PRDX4: variants seen among roughly 807,000 people sequenced by gnomAD.
PRDX4 encodes peroxiredoxin 4, also known as peroxiredoxin-4.
In PRDX4, 12 loss-of-function variants were observed where a neutral mutation model predicts 20.5. The ratio of observed to expected loss-of-function variants is 0.58; its 90% CI spans 0.37 to 0.95. The LOEUF (loss-of-function observed/expected upper bound fraction) is 0.95, where lower values mean the gene tolerates loss of function less well. Among genes scored for constraint, PRDX4 ranks in the 40% least tolerant of loss-of-function variants. The pLI is 0.01. For synonymous variants in PRDX4, 99 were observed against 87.5 expected, an observed-to-expected ratio of 1.13 and a Z score of -0.73; for missense variants, 180 against 207.3, an observed-to-expected ratio of 0.87 and a Z score of 0.81.
rs1927760194 is a variant in PRDX4 at position 23,667,759 on chromosome X, G to A, written c.189G>A (p.Glu63=). Residue 63 remains glutamate (E), a synonymous_variant, in exon 1 of 7, where the codon GAG becomes GAA. Transcript: ENST00000379341. ...CGGGTGGACAAGTGTACCCGGGAGA[G>A]GCATCCCGGGTATCGGTCGCCGACC... ...FYAGGQVYPG[E]ASRVSVADHS... 3 of 1,209,726 alleles carry A rather than the reference G, an allele frequency of 2.5e-6. No individual in the cohort carries two copies. In the African/African-American group the frequency reaches 5.2e-5, roughly 21 times the overall value.
Position 23,667,771 on chromosome X carries a change from A to T in PRDX4, c.201A>T (p.Val67=). 1.7e-6 allele frequency: 2 copies of T among 1,211,269 alleles called. No individual in the cohort carries two copies. Among genetic ancestry groups the T allele is most frequent in the South Asian group, 1.8e-5 (1 of 56,989 alleles). ...TGTACCCGGGAGAGGCATCCCGGGT[A>T]TCGGTCGCCGACCACTCCCTGCACC... The part of the protein sequence containing the change: ...GQVYPGEASR[V]SVADHSLHLS... The change falls in exon 1 of 7, where the codon GTA becomes GTT. Residue 67 remains valine, a synonymous_variant. Transcript: ENST00000379341.
At chrX:23,669,191 T>G (rs897295782) in intron 1 of PRDX4, among the ~76,000 whole-genome samples, 1 of 112,142 alleles carries the variant, frequency 8.9e-6, no homozygotes, top group African/African-American at 3.2e-5. Flanking sequence ...CCCAAAGTGC[T>G]GAGATTACAG....
chrX:23,672,472 G>T (rs915555847), intron 2 of PRDX4, among the ~76,000 whole-genome samples: 14 of 111,690 alleles, frequency 1.3e-4, no homozygotes, highest in African/African-American at 4.6e-4. Context: ...CTGTGACAGT[G>T]AGCGTTTTTG....
intron 6 of PRDX4, among the ~76,000 whole-genome samples, chrX:23,683,983 G>A (rs1237270685): frequency 9.8e-6 from 1 of 101,861 alleles, no homozygotes; most frequent in Non-Finnish European, 2.0e-5. Context: ...GGGAGGTGGA[G>A]GTTGCAGTGA....
intron 5 of PRDX4, 81 bp downstream of exon 5, chrX:23,682,607 G>A (rs1292976394): frequency 6.2e-6 from 5 of 803,877 alleles, no homozygotes; most frequent in East Asian, 5.0e-5. Context: ...AAAAGTAATC[G>A]ATATTTCCAA....
chrX:23,671,600 G>A lies in PRDX4; in HGVS notation c.313G>A (p.Asp105Asn), dbSNP rs144393327. ...AGAATTTAAGGAGCTGAAGTTAACTGATTATCGTGGGAAATACTTGGTTTT... is the reference window on the plus strand; with the variant it reads ...AGAATTTAAGGAGCTGAAGTTAACTAATTATCGTGGGAAATACTTGGTTTT... Reference protein sequence around the residue: ...DGEFKELKLTDYRGKYLVFFF... With the variant: ...DGEFKELKLTNYRGKYLVFFF... Residue 105 changes from aspartate to asparagine, a missense_variant, in exon 2 of 7, where the codon GAT becomes AAT. Transcript: ENST00000379341. 1.4e-3 allele frequency: 1,719 copies of A among 1,205,613 alleles called. 20 individuals carry two copies. In the African/African-American group the frequency reaches 0.025, roughly 18 times the overall value.
chrX:23,681,524 G>A (rs1210994194), intron 4 of PRDX4, among the ~76,000 whole-genome samples: 1 of 111,936 alleles, frequency 8.9e-6, no homozygotes, highest in Non-Finnish European at 1.9e-5. Flanking sequence ...TCATTGTATT[G>A]TATCATGTAT....
Position 23,679,191 on chromosome X carries a change from G to C in PRDX4, c.503G>C (p.Gly168Ala). The part of the protein sequence containing the change: ...AWINTPRRQG[G>A]LGPIRIPLLS... ...ATTAATACCCCTCGAAGACAAGGAG[G>C]ACTTGGGCCAATAAGGATTCCACTT... Residue 168 changes from glycine to alanine, a missense_variant, in exon 4 of 7, where the codon GGA becomes GCA. Physicochemically the swap from Gly to Ala is moderately conservative, Grantham distance 60. Transcript: ENST00000379341. The C allele has an allele frequency of 8.3e-7, 1 of 1,208,565 alleles. No individual in the cohort carries two copies. Among genetic ancestry groups the C allele is most frequent in the Non-Finnish European group, 1.1e-6 (1 of 893,088 alleles).
chrX:23,671,225 CGTA>C (rs1368418796), intron 1 of PRDX4, among the ~76,000 whole-genome samples: 1 of 111,882 alleles, frequency 8.9e-6, no homozygotes, highest in African/African-American at 3.2e-5. Context: ...CATTATCTTA[CGTA>C]GTTGTCAGAT....
In PRDX4 at chrX:23,667,500, C is replaced by T; in HGVS notation, c.-71C>T. The T allele has an allele frequency of 9.0e-7, 1 of 1,111,773 alleles. No homozygotes were observed. The allele number at this position is 1,111,773 out of a possible 1,213,427, so 91.6% of individuals were successfully genotyped here. On this transcript the variant is annotated 5_prime_UTR_variant, in exon 1 of 7. Coordinates refer to ENST00000379341, the MANE Select transcript of PRDX4 (RefSeq NM_006406.2). ...CCGGTTCGCGCGGGCGTCGTGCACGCGGTTGTAGCTGCCCGGCGGCGGCAG... is the reference window on the plus strand; with the variant it reads ...CCGGTTCGCGCGGGCGTCGTGCACGTGGTTGTAGCTGCCCGGCGGCGGCAG...
In PRDX4 at chrX:23,681,762, C is replaced by T. The variant is rs759623698; in HGVS notation, c.600-634C>T. On this transcript the variant is annotated intron_variant, in intron 4 of 6. Coordinates refer to ENST00000379341, the MANE Select transcript of PRDX4 (RefSeq NM_006406.2). Reference sequence around the variant, plus strand: ...CTTTTTAAAATTTTTTTGTTAAGGCCGGGCATGGTGGCTCACGCCTGTAAT... The same window carrying T: ...CTTTTTAAAATTTTTTTGTTAAGGCTGGGCATGGTGGCTCACGCCTGTAAT... Among the ~76,000 whole-genome samples, 225 of 112,230 alleles carry T rather than the reference C, an allele frequency of 2.0e-3. 1 individual carries two copies. Among genetic ancestry groups the T allele is most frequent in the Non-Finnish European group, 3.3e-3 (174 of 53,285 alleles).
rs372587711 is a variant in PRDX4, at chrX:23,675,031, G to A, written c.401G>A (p.Arg134Lys). The stretch of plus-strand genomic sequence containing the variant: ...ACTGAAATTATCGCTTTTGGCGACA[G>A]ACTTGAAGAATTCAGATCTATAAAT... ...CPTEIIAFGD[R>K]LEEFRSINTE... The change falls in exon 3 of 7, where the codon AGA becomes AAA. Residue 134 changes from arginine (R) to lysine (K), a missense_variant. Around this residue, in one of 3 missense-constraint regions of PRDX4, gnomAD observed 105 missense variants for 114.2 expected, o/e 0.92. Transcript: ENST00000379341. 2 of 1,210,669 alleles carry A rather than the reference G, an allele frequency of 1.7e-6. No individual in the cohort carries two copies. The highest frequency in any genetic ancestry group is 2.2e-6 in the Non-Finnish European group (2 of 895,079).
At chrX:23,681,947 G>A (rs532643867) in intron 4 of PRDX4, among the ~76,000 whole-genome samples, 75 of 111,854 alleles carry the variant, frequency 6.7e-4, no homozygotes, top group Admixed American at 4.4e-3. Flanking sequence ...AGGCTGTGGC[G>A]AGAGGATCAC....
chrX:23,683,641 A>T lies in PRDX4; in HGVS notation c.731-30A>T, dbSNP rs183517948. The T allele has an allele frequency of 4.4e-4, 529 of 1,196,282 alleles. 3 individuals carry two copies. The African/African-American group carries it at 7.5e-3, about 17-fold the overall frequency. ...AAGGTAACTGAATTCTGTTTTTAAA[A>T]TGTCTTCTGCCTCTTTTTGTTTCTT... On this transcript the variant is annotated intron_variant, in intron 5 of 6. Transcript: ENST00000379341.
chrX:23,678,476 A>G (rs1436859585), intron 3 of PRDX4, among the ~76,000 whole-genome samples: 1 of 108,300 alleles, frequency 9.2e-6, no homozygotes, highest in Non-Finnish European at 1.9e-5. Flanking sequence ...CTAAAAATGC[A>G]AAAATCAGCC....
At chrX:23,678,570 C>G (rs1309083183) in intron 3 of PRDX4, among the ~76,000 whole-genome samples, 1 of 111,420 alleles carries the variant, frequency 9.0e-6, no homozygotes, top group Non-Finnish European at 1.9e-5. Flanking sequence ...GCAGAGGTTG[C>G]AGTGAACCGA....
chrX:23,676,076 C>T (rs1005357938), intron 3 of PRDX4, among the ~76,000 whole-genome samples: 6 of 97,300 alleles, frequency 6.2e-5, no homozygotes, highest in African/African-American at 1.9e-4. Flanking sequence ...TGCAGTGAGC[C>T]GAGGTCACGC....
At position 23,686,320 on chromosome X, in the gene PRDX4, C is replaced by T. The variant is rs770296286; in HGVS notation, c.801C>T (p.Phe267=). The part of the protein sequence containing the change: ...IPDPAGKLKY[F]DKLN ...ATCCAGCTGGAAAGCTGAAGTATTT[C>T]GATAAACTGAATTGAGAAATACTTC... The change falls in exon 7 of 7, where the codon TTC becomes TTT. Residue 267 remains phenylalanine (F), a synonymous_variant. Coordinates refer to ENST00000379341, the MANE Select transcript of PRDX4 (RefSeq NM_006406.2). 12 of 1,169,710 alleles carry T rather than the reference C, an allele frequency of 1.0e-5. No individual in the cohort carries two copies. Among genetic ancestry groups the T allele is most frequent in the African/African-American group, 1.8e-5 (1 of 55,904 alleles).
rs762055653 is a variant in PRDX4 at position 23,667,931 on chromosome X, G to T, written c.241+120G>T. The T allele has an allele frequency of 1.1e-3, 1,145 of 1,058,537 alleles. 1 individual carries two copies. The highest frequency in any genetic ancestry group is 5.1e-3 in the Middle Eastern group (17 of 3,344). The allele number at this position is 1,058,537 out of a possible 1,213,427, so 87.2% of individuals were successfully genotyped here. Reference sequence around the variant, plus strand: ...TGGGCTGCCTCCGGGCCCTGGGCGGGCCTGGTTCTCACCTAGGAGGGCGGG... The same window carrying T: ...TGGGCTGCCTCCGGGCCCTGGGCGGTCCTGGTTCTCACCTAGGAGGGCGGG... On this transcript the variant is annotated intron_variant, in intron 1 of 6. Transcript: ENST00000379341.
Sources: gnomAD v4.1 joint callset for allele counts (sites outside exome capture counted in the v4.1 genomes callset) on GRCh38, gnomAD v4.1.1 for gene constraint, gnomAD v4.1.1 regional missense constraint, MANE v1.5 for transcripts, NCBI Gene and HGNC (gene_info 2026-07-23, HGNC 2026-07-21) for gene names.